PCYT1B: variants seen among roughly 807,000 people sequenced by gnomAD.
The protein encoded by PCYT1B is choline-phosphate cytidylyltransferase B.
In PCYT1B, 10 loss-of-function variants were observed where a neutral mutation model predicts 26.4. That is an observed-to-expected ratio of 0.38 (90% CI 0.23 to 0.64). PCYT1B has a LOEUF of 0.64. PCYT1B is among the 30% of genes least tolerant of loss of function. The probability of loss-of-function intolerance (pLI) is 0.56; values close to 1 mark genes in which losing one functional copy is unlikely to be tolerated. For missense variants in PCYT1B, 161 were observed against 292.7 expected, an observed-to-expected ratio of 0.55 and a Z score of 3.28; for synonymous variants, 131 against 108.4, an observed-to-expected ratio of 1.21 and a Z score of -1.29.
intron 7 of PCYT1B, among the ~76,000 whole-genome samples, chrX:24,573,097 T>C (rs777484004): frequency 5.3e-4 from 53 of 99,919 alleles, no homozygotes; most frequent in African/African-American, 1.9e-3. Flanking sequence ...TACACACATA[T>C]ACACACACAT....
At chrX:24,627,843 T>C (rs754124421) in intron 1 of PCYT1B, among the ~76,000 whole-genome samples, 3 of 111,173 alleles carry the variant, frequency 2.7e-5, no homozygotes, top group Non-Finnish European at 5.7e-5. Context: ...AGATTGGATG[T>C]AGGGTGTGAA....
chrX:24,605,658 C>T lies in PCYT1B; in HGVS notation c.334+2087G>A, dbSNP rs185781268. 6.4e-3 allele frequency among the ~76,000 whole-genome samples: 714 copies of T among 111,963 alleles called. 7 individuals carry two copies. Among genetic ancestry groups the T allele is most frequent in the Middle Eastern group, 0.023 (5 of 214 alleles). ...TAGATGAAGGGGCCGGGAGCGGTGG[C>T]TCACGCCTGTAATCCTAACACTTTG... On this transcript the variant is annotated intron_variant, in intron 3 of 7. Transcript: ENST00000379144.
intron 1 of PCYT1B, among the ~76,000 whole-genome samples, chrX:24,619,338 G>A (rs1441703539): frequency 8.9e-6 from 1 of 111,798 alleles, no homozygotes; most frequent in African/African-American, 3.3e-5. Context: ...GGTACTAGAT[G>A]AGATACTCTG....
intron 1 of PCYT1B, among the ~76,000 whole-genome samples, chrX:24,670,104 GAAA>G (rs1569261885): frequency 0.029 from 2,271 of 78,005 alleles, 46 homozygotes; most frequent in Middle Eastern, 0.033. Context: ...AAGAAAGAAA[GAAA>G]GAAAGAAAGG....
intron 3 of PCYT1B, among the ~76,000 whole-genome samples, chrX:24,601,429 G>A (rs1364144030): frequency 3.7e-5 from 4 of 108,618 alleles, no homozygotes; most frequent in African/African-American, 1.3e-4. Flanking sequence ...GGAGGCAGAG[G>A]TTGCAGTAAG....
At chrX:24,567,835 G>A (rs1204148852) in intron 7 of PCYT1B, among the ~76,000 whole-genome samples, 1 of 110,489 alleles carries the variant, frequency 9.1e-6, no homozygotes, top group Non-Finnish European at 1.9e-5. Context: ...TGTAATCCTA[G>A]CTACTCAGGA....
At position 24,655,765 on chromosome X, in the gene PCYT1B, C is replaced by T. The variant is rs775564132; in HGVS notation, c.63+16805G>A. 4.4e-3 allele frequency among the ~76,000 whole-genome samples: 483 copies of T among 109,418 alleles called. 2 individuals carry two copies. Among genetic ancestry groups the T allele is most frequent in the Non-Finnish European group, 8.0e-3 (423 of 52,604 alleles). The stretch of plus-strand genomic sequence containing the variant: ...TGCTATTGCACTCCAGCCTGGGTGA[C>T]AGAGTGAGACCCTGTGTCAAAAACA... On this transcript the variant is annotated intron_variant, in intron 1 of 7. Transcript: ENST00000379145.
At chrX:24,672,014 T>C (rs998218673) in intron 1 of PCYT1B, among the ~76,000 whole-genome samples, 1 of 111,753 alleles carries the variant, frequency 8.9e-6, no homozygotes, top group Non-Finnish European at 1.9e-5. Context: ...GCACAGAAAT[T>C]AGCTGGGCAT....
chrX:24,592,048 C>T (rs764555248), intron 3 of PCYT1B, among the ~76,000 whole-genome samples: 17 of 111,326 alleles, frequency 1.5e-4, no homozygotes, highest in African/African-American at 5.2e-4. Context: ...CCCTGTCCCC[C>T]GTCATCTACC....
intron 1 of PCYT1B, among the ~76,000 whole-genome samples, chrX:24,625,783 A>G (rs1370913212): frequency 9.9e-6 from 1 of 101,458 alleles, no homozygotes; most frequent in Non-Finnish European, 2.0e-5. Context: ...AAGGGGGAAG[A>G]GAGAGAAAAA....
Position 24,562,500 on chromosome X carries a change from C to T in PCYT1B, c.903G>A (p.Gln301=). 8.3e-7 allele frequency: 1 copy of T among 1,198,492 alleles called. No homozygotes were observed. Among genetic ancestry groups the T allele is most frequent in the Non-Finnish European group, 1.1e-6 (1 of 887,717 alleles). Residue 301 remains glutamine (Q), a synonymous_variant, in exon 8 of 8, where the codon CAG becomes CAA. Transcript: ENST00000379144. ...TCCGGCTGCTCCTCTCCTGGAACAT[C>T]TGCTTCTAAAGATAAATTGGAGAGA... ...ELFGPDGAWK[Q]MFQERSSRML...
intron 2 of PCYT1B, among the ~76,000 whole-genome samples, chrX:24,616,935 A>T (rs1028545897): frequency 8.9e-6 from 1 of 112,217 alleles, no homozygotes; most frequent in African/African-American, 3.2e-5. Flanking sequence ...TAAGACCAAT[A>T]GGTTTGAGAC....
In PCYT1B at chrX:24,559,379, A is replaced by T. The variant is rs1923299960; in HGVS notation, c.*2914T>A. 9.3e-6 allele frequency: 1 copy of T among 107,287 alleles called. No individual in the cohort carries two copies. The highest frequency in any genetic ancestry group is 1.0e-4 in the Admixed American group (1 of 9,839). The allele number at this position is 107,287 out of a possible 1,213,427, so 8.8% of individuals were successfully genotyped here. ...AGAAGAATGAAAGAAAGAAGGAAGA[A>T]AGAGAAAGAAAAAGAAAGAAAGAAA... On this transcript the variant is annotated 3_prime_UTR_variant, in exon 8 of 8. Coordinates refer to ENST00000379144, the MANE Select transcript of PCYT1B (RefSeq NM_004845.5).
intron 1 of PCYT1B, among the ~76,000 whole-genome samples, chrX:24,641,997 A>G (rs956891977): frequency 8.9e-6 from 1 of 112,621 alleles, no homozygotes; most frequent in African/African-American, 3.2e-5. Flanking sequence ...TAACTTGGGG[A>G]TTGGGTTAAC....
chrX:24,627,469 G>C (rs1925919853), intron 1 of PCYT1B, among the ~76,000 whole-genome samples: 1 of 111,555 alleles, frequency 9.0e-6, no homozygotes, highest in African/African-American at 3.3e-5. Flanking sequence ...AACTAGCTGG[G>C]ACTACAGGCG....
chrX:24,655,988 G>A (rs1238420021), intron 1 of PCYT1B, among the ~76,000 whole-genome samples: 10 of 103,959 alleles, frequency 9.6e-5, no homozygotes, highest in Middle Eastern at 4.9e-3. Context: ...AAAATTAGCC[G>A]ACTGGTGGCA....
chrX:24,593,296 G>C (rs1172694921), intron 3 of PCYT1B, among the ~76,000 whole-genome samples: 1 of 109,905 alleles, frequency 9.1e-6, no homozygotes, highest in East Asian at 2.8e-4. Flanking sequence ...TACAATAATA[G>C]ATTTATATTT....
chrX:24,594,160 C>T (rs1441673824), intron 3 of PCYT1B, among the ~76,000 whole-genome samples: 2 of 111,222 alleles, frequency 1.8e-5, no homozygotes, highest in Non-Finnish European at 3.8e-5. Flanking sequence ...TTTGAAAACC[C>T]TGAAGCATAT....
intron 1 of PCYT1B, among the ~76,000 whole-genome samples, chrX:24,655,824 G>A (rs898138126): frequency 9.2e-6 from 1 of 108,310 alleles, no homozygotes; most frequent in African/African-American, 3.4e-5. Flanking sequence ...AGGGACACCA[G>A]TGGGTCAAGA....
Sources: gnomAD v4.1 joint callset for allele counts (sites outside exome capture counted in the v4.1 genomes callset) on GRCh38, gnomAD v4.1.1 for gene constraint, MANE v1.5 for transcripts, NCBI Gene and HGNC (gene_info 2026-07-23, HGNC 2026-07-21) for gene names.